CNGB1: variants seen among roughly 807,000 people sequenced by gnomAD.
CNGB1 encodes cyclic nucleotide-gated channel beta-1.
A neutral mutation model predicts 151.7 loss-of-function variants in CNGB1; 126 were observed. The observed-to-expected ratio is 0.83, with a 90% confidence interval of 0.72 to 0.96. The LOEUF is 0.96. Ranked by LOEUF, CNGB1 falls within the 40% of genes least tolerant of loss-of-function variation. CNGB1 has a pLI of 0.00. For missense variants in CNGB1, 1,698 were observed against 1,627.0 expected (o/e 1.04, Z -0.75); for synonymous variants, 623 against 635.1 (o/e 0.98, Z 0.29).
At chr16:57,927,079 C>A (rs1222730274) in intron 17 of CNGB1, among the ~76,000 whole-genome samples, 1 of 152,214 alleles carries the variant, frequency 6.6e-6, no homozygotes, top group Non-Finnish European at 1.5e-5. Context: ...AGCTTCTGGT[C>A]CCCCAGCACT....
intron 14 of CNGB1, among the ~76,000 whole-genome samples, chr16:57,948,883 C>T (rs552278284): frequency 1.7e-4 from 26 of 152,240 alleles, no homozygotes; most frequent in African/African-American, 5.8e-4. Flanking sequence ...CATTACTGGG[C>T]AGTAGAGCAG....
chr16:57,910,249 C>T (rs1175321599), intron 25 of CNGB1, among the ~76,000 whole-genome samples: 14 of 152,198 alleles, frequency 9.2e-5, no homozygotes, highest in African/African-American at 3.4e-4. Flanking sequence ...TTCTCTAAAG[C>T]CCGCTATTTA....
chr16:57,962,727 A>C, intron 6 of CNGB1, 115 bp downstream of exon 6: 1 of 1,567,730 alleles, frequency 6.4e-7, no homozygotes, highest in Non-Finnish European at 8.7e-7. Context: ...AAGCAGGGTC[A>C]GTCAGGTGAG....
intron 25 of CNGB1, among the ~76,000 whole-genome samples, chr16:57,906,950 C>T (rs1273035347): frequency 6.6e-6 from 1 of 152,124 alleles, no homozygotes; most frequent in African/African-American, 2.4e-5. Flanking sequence ...GAGCTCGGGA[C>T]CCTGAGCCCC....
In CNGB1 at chr16:57,917,380, G is replaced by A. The variant is rs199594245; in HGVS notation, c.2054C>T (p.Pro685Leu). The change falls in exon 21 of 33, where the codon CCG becomes CTG. Residue 685 changes from proline to leucine, a missense_variant. Physicochemically the swap from Pro to Leu is moderately conservative, Grantham distance 98. Coordinates refer to ENST00000251102, the MANE Select transcript of CNGB1 (RefSeq NM_001297.5). ...PVRWAFPYQTPDNIHHWLLMD... is the reference protein window; with the variant it reads ...PVRWAFPYQTLDNIHHWLLMD... ...CAGCAGCCAGTGGTGGATGTTGTCC[G>A]GGGTCTGGTAGGGGAAGGCCCAGCG... is the stretch of plus-strand genomic sequence containing the variant. 4.5e-5 allele frequency: 73 copies of A among 1,613,960 alleles called. No individual in the cohort carries two copies. In the African/African-American group the frequency reaches 5.9e-4, roughly 13 times the overall value.
In CNGB1 at chr16:57,958,416, C is replaced by T. The variant is rs1962146326; in HGVS notation, c.831G>A (p.Gly277=). 6.2e-7 allele frequency: 1 copy of T among 1,614,164 alleles called. No individual in the cohort carries two copies. Among genetic ancestry groups the T allele is most frequent in the Non-Finnish European group, 8.5e-7 (1 of 1,179,986 alleles). Residue 277 remains glycine, a synonymous_variant, in exon 11 of 33, where the codon GGG becomes GGA. Transcript: ENST00000251102. The stretch of plus-strand genomic sequence containing the variant: ...CCATGAGCCCAGCACTGACCTGTTC[C>T]CCTATTTTCCCATGTAGCACTGGCT... The part of the protein sequence containing the change: ...LPQPVLHGKI[G]EQEPDSPGIC...
intron 18 of CNGB1, 109 bp downstream of exon 18, chr16:57,923,164 C>T: frequency 6.3e-6 from 5 of 794,536 alleles, no homozygotes; most frequent in South Asian, 1.6e-5. Flanking sequence ...AAGCCACTGG[C>T]AAAGTCTGCC....
chr16:57,945,738 G>C (rs755567006), intron 14 of CNGB1, among the ~76,000 whole-genome samples: 2 of 152,196 alleles, frequency 1.3e-5, no homozygotes, highest in East Asian at 3.8e-4. Context: ...TCTCTCATCT[G>C]TGAAATGGGA....
At chr16:57,961,067 C>T in intron 7 of CNGB1, 152 bp from the exon 8 acceptor site, 1 of 732,190 alleles carries the variant, frequency 1.4e-6, no homozygotes. Flanking sequence ...CTCAAAGGGC[C>T]CCAAGCGGGT....
intron 29 of CNGB1, among the ~76,000 whole-genome samples, chr16:57,898,318 G>T (rs1448448964): frequency 6.6e-6 from 1 of 152,194 alleles, no homozygotes; most frequent in Non-Finnish European, 1.5e-5. Flanking sequence ...ACATCTCAGG[G>T]GCTCGGGAAG....
intron 11 of CNGB1, 102 bp downstream of exon 11, chr16:57,958,308 G>C (rs935580784): frequency 1.1e-5 from 7 of 625,744 alleles, no homozygotes; most frequent in Non-Finnish European, 1.5e-5. Flanking sequence ...GGCTGGGGGA[G>C]CTGGGCTTCT....
intron 12 of CNGB1, chr16:57,955,071 T>C: frequency 2.2e-6 from 3 of 1,343,794 alleles, no homozygotes; most frequent in Non-Finnish European, 2.9e-6. Flanking sequence ...CACAGCCCTC[T>C]GGGGGTAAGT....
At chr16:57,887,092 C>A (rs1429545040) in intron 32 of CNGB1, among the ~76,000 whole-genome samples, 1 of 152,164 alleles carries the variant, frequency 6.6e-6, no homozygotes, top group Non-Finnish European at 1.5e-5. Context: ...CGCTATGTTG[C>A]CCAGGCTGGT....
intron 31 of CNGB1, among the ~76,000 whole-genome samples, chr16:57,889,196 T>C (rs1358727366): frequency 1.3e-5 from 2 of 152,096 alleles, no homozygotes; most frequent in Admixed American, 6.5e-5. Context: ...AGAGACGGGG[T>C]CTCCCTATGT....
intron 24 of CNGB1, 97 bp downstream of exon 24, chr16:57,912,833 G>T: frequency 2.5e-6 from 3 of 1,189,740 alleles, no homozygotes; most frequent in East Asian, 2.4e-5. Context: ...TGTGTGTGTT[G>T]TGTGTGTGTC....
intron 13 of CNGB1, among the ~76,000 whole-genome samples, chr16:57,950,053 G>A (rs1961910256): frequency 6.6e-6 from 1 of 152,208 alleles, no homozygotes; most frequent in Non-Finnish European, 1.5e-5. Flanking sequence ...AAATGAAGAT[G>A]CCCTCTATAT....
chr16:57,904,706 G>T, intron 26 of CNGB1, 28 bp downstream of exon 26: 1 of 1,613,720 alleles, frequency 6.2e-7, no homozygotes, highest in East Asian at 2.2e-5. Context: ...GTCAGGTGGG[G>T]TGGGAAGCTG....
At chr16:57,912,846 CTGTGTTGTGTGTGTATTGCG>C (rs1233559521) in intron 24 of CNGB1, 64 bp downstream of exon 24, 13 of 1,344,498 alleles carry the variant, frequency 9.7e-6, no homozygotes, top group Admixed American at 3.4e-5. Context: ...TGTGTGTCAT[CTGTGTTGTGTGTGTATTGCG>C]TGTGTTGTGT....
chr16:57,934,012 C>T (rs1316254466), intron 16 of CNGB1, among the ~76,000 whole-genome samples: 3 of 152,006 alleles, frequency 2.0e-5, no homozygotes, highest in African/African-American at 4.8e-5. Context: ...CATGAGCCAC[C>T]GCACCCAGCC....
Sources: gnomAD v4.1 joint callset for allele counts (sites outside exome capture counted in the v4.1 genomes callset) on GRCh38, gnomAD v4.1.1 for gene constraint, MANE v1.5 for transcripts, NCBI Gene and HGNC (gene_info 2026-07-23, HGNC 2026-07-21) for gene names.